The following ALAS1 variants were observed in gnomAD, a reference collection of about 807,000 sequenced individuals.
The protein encoded by ALAS1 is 5'-aminolevulinate synthase 1.
A neutral mutation model predicts 59.6 loss-of-function variants in ALAS1; 29 were observed. That is an observed-to-expected ratio of 0.49 (90% CI 0.36 to 0.66). The LOEUF is 0.66. Ranked by LOEUF, ALAS1 falls within the 30% of genes least tolerant of loss-of-function variation. ALAS1 has a pLI of 0.00. For missense variants in ALAS1, 690 were observed against 807.5 expected (o/e 0.85, Z 1.76); for synonymous variants, 299 against 296.6 (o/e 1.01, Z -0.08).
At chr3:52,207,770 C>T (rs966644483) in intron 8 of ALAS1, among the ~76,000 whole-genome samples, 1 of 152,148 alleles carries the variant, frequency 6.6e-6, no homozygotes, top group Non-Finnish European at 1.5e-5. Flanking sequence ...CTTAGGATGG[C>T]CTCTAGCTCC....
chr3:52,210,857 T>A (rs1022140952), intron 9 of ALAS1, among the ~76,000 whole-genome samples: 1 of 152,142 alleles, frequency 6.6e-6, no homozygotes, highest in African/African-American at 2.4e-5. Flanking sequence ...GAGAATTGCA[T>A]CACTAGGCGA....
In ALAS1 at chr3:52,202,397, A is replaced by G. The variant is rs1699204493; in HGVS notation, c.200-110A>G. 8.2e-6 allele frequency: 7 copies of G among 850,840 alleles called. No homozygotes were observed. In the South Asian group the frequency reaches 1.1e-4, roughly 13 times the overall value. 52.7% of individuals were successfully genotyped at this position (850,840 alleles called of 1,614,324 possible). On this transcript the variant is annotated intron_variant, in intron 3 of 11. Coordinates refer to ENST00000484952, the MANE Select transcript of ALAS1 (RefSeq NM_000688.6). The stretch of plus-strand genomic sequence containing the variant: ...AACACTTGTGTCTGGATGGTGGGGT[A>G]CAGTAAGTATTAAGTTTATCTTTGA...
intron 8 of ALAS1, among the ~76,000 whole-genome samples, 197 bp downstream of exon 8, chr3:52,206,948 C>T (rs1699305114): frequency 6.6e-6 from 1 of 151,976 alleles, no homozygotes. Flanking sequence ...CATTCTCCTG[C>T]CTCAGCCTCC....
intron 8 of ALAS1, among the ~76,000 whole-genome samples, 193 bp downstream of exon 8, chr3:52,206,944 C>T (rs1401312877): frequency 6.6e-6 from 1 of 151,962 alleles, no homozygotes; most frequent in Non-Finnish European, 1.5e-5. Flanking sequence ...ACGTCATTCT[C>T]CTGCCTCAGC....
chr3:52,202,082 G>T (rs1699197616), intron 3 of ALAS1, among the ~76,000 whole-genome samples: 1 of 152,322 alleles, frequency 6.6e-6, no homozygotes, highest in South Asian at 2.1e-4. Flanking sequence ...GAGTGCAGTG[G>T]TTCACGCCTA....
At chr3:52,211,580 C>T (rs1699410699) in intron 10 of ALAS1, 29 bp downstream of exon 10, 15 of 1,609,722 alleles carry the variant, frequency 9.3e-6, no homozygotes, top group East Asian at 2.2e-5. Context: ...TTGGACTTGC[C>T]GTGGGGTGTG....
Position 52,203,948 on chromosome 3 carries a change from G to A in ALAS1, c.513G>A (p.Gln171=), listed in dbSNP as rs1177992559. 1.2e-6 allele frequency: 2 copies of A among 1,613,318 alleles called. No individual in the cohort carries two copies. Among genetic ancestry groups the A allele is most frequent in the African/African-American group, 1.3e-5 (1 of 74,888 alleles). Reference sequence around the variant, plus strand: ...CCAGTGGACTGCTGAAGAACTTCCAGGACATCATGCAAAAGCAAAGACCAG... The same window carrying A: ...CCAGTGGACTGCTGAAGAACTTCCAAGACATCATGCAAAAGCAAAGACCAG... ...GDPSGLLKNF[Q]DIMQKQRPER... is the part of the protein sequence containing the mutation. Residue 171 remains glutamine (Q), a synonymous_variant, in exon 5 of 12, where the codon CAG becomes CAA. Transcript: ENST00000484952.
Position 52,208,223 on chromosome 3 carries a change from A to G in ALAS1, c.1306A>G (p.Met436Val), listed in dbSNP as rs1699334173. The G allele has an allele frequency of 6.2e-7, 1 of 1,614,192 alleles. No homozygotes were observed. Among genetic ancestry groups the G allele is most frequent in the Non-Finnish European group, 8.5e-7 (1 of 1,180,028 alleles). Residue 436 changes from methionine (M) to valine (V), a missense_variant, in exon 9 of 12, where the codon ATG (methionine) becomes GTG (valine). By Grantham distance (21) the Met-to-Val change is conservative. Coordinates refer to ENST00000484952, the MANE Select transcript of ALAS1 (RefSeq NM_000688.6). ...GGATCGGGATGGAGTCATGCCAAAA[A>G]TGGACATCATTTCTGGAACACTTGG... ...IGDRDGVMPK[M>V]DIISGTLGKA... is the part of the protein sequence containing the mutation.
At position 52,207,042 on chromosome 3, in the gene ALAS1, C is replaced by T. The variant is rs552226658; in HGVS notation, c.1165+291C>T. Among the ~76,000 whole-genome samples, 18 of 135,766 alleles carry T rather than the reference C, an allele frequency of 1.3e-4. No individual in the cohort carries two copies. In the South Asian group the frequency reaches 3.8e-3, roughly 29 times the overall value. 89.1% of individuals were successfully genotyped at this position (135,766 alleles called of 152,430 possible). A position where few individuals can be genotyped will look rare whatever the true frequency, so the allele number is the denominator to read the frequency against. ...TTTTTGAGACGGAGTCTCCCTCTGT[C>T]ACCCAGGCTGGAGTGCAGTGGCGTG... On this transcript the variant is annotated intron_variant, in intron 8 of 11. Coordinates refer to ENST00000484952, the MANE Select transcript of ALAS1 (RefSeq NM_000688.6).
intron 11 of ALAS1, chr3:52,212,643 T>G: frequency 1.9e-6 from 1 of 517,774 alleles, no homozygotes; most frequent in Non-Finnish European, 3.5e-6. Flanking sequence ...GCGATTCTCC[T>G]GCCTCAGCTT....
chr3:52,212,529 T>C, intron 11 of ALAS1, 109 bp downstream of exon 11: 1 of 1,388,992 alleles, frequency 7.2e-7, no homozygotes, highest in Non-Finnish European at 1.0e-6. Flanking sequence ...TTTCTTCTTC[T>C]TTTTTTAGTT....
chr3:52,211,666 A>AG, intron 10 of ALAS1, 115 bp downstream of exon 10: 1 of 1,439,394 alleles, frequency 6.9e-7, no homozygotes, highest in Non-Finnish European at 9.5e-7. Flanking sequence ...CTGCCAGGGC[A>AG]GGGGTTGTAG....
intron 9 of ALAS1, among the ~76,000 whole-genome samples, chr3:52,209,218 T>C (rs928343637): frequency 6.6e-6 from 1 of 152,188 alleles, no homozygotes; most frequent in African/African-American, 2.4e-5. Context: ...TTTTTTTCTT[T>C]TTTTTCCGAG....
At chr3:52,211,215 C>T in intron 9 of ALAS1, 68 bp from the exon 10 acceptor site, 2 of 1,560,744 alleles carry the variant, frequency 1.3e-6, no homozygotes, top group Non-Finnish European at 1.7e-6. Flanking sequence ...GGCTCCACAA[C>T]ACCTTGCTGT....
chr3:52,213,686 T>A (rs1699458205), intron 11 of ALAS1, among the ~76,000 whole-genome samples: 1 of 152,206 alleles, frequency 6.6e-6, no homozygotes, highest in African/African-American at 2.4e-5. Flanking sequence ...TCTGTCTCTA[T>A]GGATTTGCCT....
chr3:52,198,499 C>G (rs1394322230), intron 1 of ALAS1, among the ~76,000 whole-genome samples, 173 bp from the exon 2 acceptor site: 1 of 152,208 alleles, frequency 6.6e-6, no homozygotes, highest in African/African-American at 2.4e-5. Context: ...TCATACCCCT[C>G]CCGTCATTCT....
At chr3:52,205,030 C>A in intron 6 of ALAS1, 115 bp downstream of exon 6, 1 of 842,454 alleles carries the variant, frequency 1.2e-6, no homozygotes, top group Non-Finnish European at 1.9e-6. Flanking sequence ...TGTGCCATAG[C>A]AAAATACTAT....
At chr3:52,206,978 A>G (rs540147992) in intron 8 of ALAS1, among the ~76,000 whole-genome samples, 22 of 137,316 alleles carry the variant, frequency 1.6e-4, no homozygotes, top group East Asian at 4.3e-4. Context: ...GGGACTACAG[A>G]CACCTGCCAC....
chr3:52,202,838 A>G, intron 4 of ALAS1, 104 bp downstream of exon 4: 1 of 1,093,788 alleles, frequency 9.1e-7, no homozygotes. Context: ...GTATTTATGG[A>G]AACACCTTCC....
Sources: allele counts gnomAD v4.1 joint callset (sites outside exome capture counted in the v4.1 genomes callset), GRCh38; gene constraint gnomAD v4.1.1; transcripts MANE v1.5; gene names NCBI Gene and HGNC (gene_info 2026-07-23, HGNC 2026-07-21).